CNTLN: variants seen among roughly 807,000 people sequenced by gnomAD.
The protein encoded by CNTLN is centlein, centrosomal protein.
A neutral mutation model predicts 180.0 loss-of-function variants in CNTLN; 212 were observed. The observed-to-expected ratio is 1.18, with a 90% CI of 1.05 to 1.32. CNTLN has a LOEUF of 1.32. Among genes scored for constraint, CNTLN ranks in the 40% most tolerant of loss-of-function variants. The pLI is 0.00. For synonymous variants in CNTLN, 722 were observed against 563.1 expected (o/e 1.28, Z -3.99); for missense variants, 2,095 against 1,610.9 (o/e 1.30, Z -5.14).
Position 17,416,018 on chromosome 9 carries a change from T to A in CNTLN, c.2943T>A (p.Ile981=). The A allele has an allele frequency of 1.9e-6, 3 of 1,613,110 alleles. No individual in the cohort carries two copies. Among genetic ancestry groups the A allele is most frequent in the Non-Finnish European group, 2.5e-6 (3 of 1,179,646 alleles). ...CTGCCCAGAAATCAAGTAGCAATAT[T>A]ATTTTATTACGAGAACGGATTATAT... ...NITAQKSSSN[I]ILLRERIISL... The change falls in exon 18 of 26, where the codon ATT becomes ATA. Residue 981 remains isoleucine, a synonymous_variant. Transcript: ENST00000380647.
chr9:17,293,937 A>C (rs1817597420), intron 6 of CNTLN, among the ~76,000 whole-genome samples: 1 of 152,154 alleles, frequency 6.6e-6, no homozygotes, highest in Admixed American at 6.5e-5. Flanking sequence ...CAGGCAGGGT[A>C]GTAGTGTGTC....
At chr9:17,249,217 A>C (rs2132259649) in intron 5 of CNTLN, among the ~76,000 whole-genome samples, 1 of 152,210 alleles carries the variant, frequency 6.6e-6, no homozygotes, top group East Asian at 1.9e-4. Context: ...TATGGCTATA[A>C]ATTTCCTTCT....
Position 17,332,509 on chromosome 9 carries a change from T to G in CNTLN, c.1519-96T>G, listed in dbSNP as rs1472749246. ...GGATTTTTTTTTTTTTTATAATTCA[T>G]TATTAGTATTCAAAATTACTTGTTC... is the stretch of plus-strand genomic sequence containing the variant. On this transcript the variant is annotated intron_variant, in intron 9 of 25. Transcript: ENST00000380647. 8 of 1,175,740 alleles carry G rather than the reference T, an allele frequency of 6.8e-6. No individual in the cohort carries two copies. In the East Asian group the frequency reaches 1.9e-4, roughly 28 times the overall value. 72.8% of individuals were successfully genotyped at this position (1,175,740 alleles called of 1,614,324 possible). A position where few individuals can be genotyped will look rare whatever the true frequency, so the allele number is the denominator to read the frequency against.
chr9:17,162,728 G>A (rs1026401718), intron 2 of CNTLN, among the ~76,000 whole-genome samples: 4 of 152,140 alleles, frequency 2.6e-5, no homozygotes, highest in African/African-American at 9.7e-5. Flanking sequence ...AAGTGGTTTG[G>A]TGGGCAGGAG....
At chr9:17,323,243 C>T (rs1048200871) in intron 8 of CNTLN, among the ~76,000 whole-genome samples, 8 of 152,114 alleles carry the variant, frequency 5.3e-5, no homozygotes, top group South Asian at 2.1e-4. Flanking sequence ...CAATATGGCT[C>T]GCAATTTGCA....
At chr9:17,477,477 G>C (rs1377532037) in intron 23 of CNTLN, among the ~76,000 whole-genome samples, 1 of 152,176 alleles carries the variant, frequency 6.6e-6, no homozygotes, top group African/African-American at 2.4e-5. Flanking sequence ...CACCATTCTA[G>C]ATGCCATTTA....
intron 7 of CNTLN, among the ~76,000 whole-genome samples, chr9:17,304,563 T>G (rs1818580071): frequency 6.6e-6 from 1 of 152,134 alleles, no homozygotes; most frequent in Non-Finnish European, 1.5e-5. Flanking sequence ...AGTGTTGTCA[T>G]TTTTGGCTAT....
chr9:17,516,384 A>G, the CNTLN span, among the ~76,000 whole-genome samples: 1 of 152,222 alleles, frequency 6.6e-6, no homozygotes, highest in Non-Finnish European at 1.5e-5. Context: ...AAGATTAACA[A>G]GAGAAAAGCA....
intron 8 of CNTLN, among the ~76,000 whole-genome samples, chr9:17,322,357 A>T (rs1383747621): frequency 6.6e-6 from 1 of 152,124 alleles, no homozygotes; most frequent in Non-Finnish European, 1.5e-5. Flanking sequence ...ATTGTGTATT[A>T]TATTCACAAA....
intron 12 of CNTLN, among the ~76,000 whole-genome samples, chr9:17,352,410 ATATATATTTTT>A (rs1486181040): frequency 2.1e-3 from 41 of 19,916 alleles, no homozygotes; most frequent in Admixed American, 6.1e-3. Flanking sequence ...ATATATATAT[ATATATATTTTT>A]TTTTTTTTTG....
At chr9:17,199,165 A>C (rs954641808) in intron 2 of CNTLN, among the ~76,000 whole-genome samples, 1 of 142,368 alleles carries the variant, frequency 7.0e-6, no homozygotes, top group African/African-American at 2.6e-5. Context: ...AAGCATTCCA[A>C]TTTCACTGCA....
At chr9:17,179,107 A>G (rs199649137) in intron 2 of CNTLN, among the ~76,000 whole-genome samples, 2 of 149,304 alleles carry the variant, frequency 1.3e-5, no homozygotes, top group African/African-American at 2.5e-5. Context: ...AGCCGGGCGT[A>G]GTGGCGGGCG....
intron 25 of CNTLN, among the ~76,000 whole-genome samples, chr9:17,489,009 A>T (rs1000207501): frequency 1.3e-5 from 2 of 152,144 alleles, no homozygotes; most frequent in Non-Finnish European, 2.9e-5. Flanking sequence ...TATTTTTATT[A>T]CTGACATAGG....
chr9:17,392,443 A>G (rs1373299569), intron 14 of CNTLN, among the ~76,000 whole-genome samples: 1 of 152,202 alleles, frequency 6.6e-6, no homozygotes. Context: ...AGTGATTTGG[A>G]AAAAGTAAAA....
chr9:17,313,697 C>G (rs548686791), intron 8 of CNTLN, among the ~76,000 whole-genome samples: 6 of 152,126 alleles, frequency 3.9e-5, no homozygotes, highest in Non-Finnish European at 8.8e-5. Flanking sequence ...GTTATTTTCG[C>G]AAATATTTTT....
chr9:17,383,255 C>G lies in CNTLN; in HGVS notation c.1988-4907C>G, dbSNP rs143893021. Among the ~76,000 whole-genome samples, 6 of 152,130 alleles carry G rather than the reference C, an allele frequency of 3.9e-5. 1 individual carries two copies. Among genetic ancestry groups the G allele is most frequent in the African/African-American group, 1.2e-4 (5 of 41,504 alleles). ...TTCTTTGTAGTTGTTACCAACATGG[C>G]GCTGTGGCTCACACTGTAATCCCAA... On this transcript the variant is annotated intron_variant, in intron 13 of 25. Coordinates refer to ENST00000380647, the MANE Select transcript of CNTLN (RefSeq NM_017738.4).
At chr9:17,233,595 G>C (rs1333461443) in intron 3 of CNTLN, among the ~76,000 whole-genome samples, 1 of 152,154 alleles carries the variant, frequency 6.6e-6, no homozygotes, top group African/African-American at 2.4e-5. Flanking sequence ...ATGCTGAAGA[G>C]TGTTCATAGC....
intron 25 of CNTLN, chr9:17,494,756 A>G (rs1833356305): frequency 3.2e-6 from 1 of 313,724 alleles, no homozygotes; most frequent in Non-Finnish European, 6.3e-6. Flanking sequence ...ATGCTGGTGT[A>G]AACAAACCTG....
chr9:17,266,478 T>C (rs1421979794), intron 5 of CNTLN, among the ~76,000 whole-genome samples: 1 of 152,136 alleles, frequency 6.6e-6, no homozygotes, highest in Non-Finnish European at 1.5e-5. Context: ...AATTTTGGAA[T>C]AGGTGTGGTG....
Sources: allele counts gnomAD v4.1 joint callset (sites outside exome capture counted in the v4.1 genomes callset), GRCh38; gene constraint gnomAD v4.1.1; transcripts MANE v1.5; gene names NCBI Gene and HGNC (gene_info 2026-07-23, HGNC 2026-07-21).